GOLM2: variants seen among roughly 807,000 people sequenced by gnomAD.
GOLM2 encodes golgi membrane protein 2.
A neutral mutation model predicts 55.9 loss-of-function variants in GOLM2; 26 were observed. The observed-to-expected ratio is 0.47, with a 90% CI of 0.34 to 0.65. The LOEUF is 0.65. Among genes scored for constraint, GOLM2 ranks in the 30% least tolerant of loss-of-function variants. The pLI, the probability that GOLM2 is intolerant of heterozygous loss-of-function variation, is 0.01. For missense variants in GOLM2, 486 were observed against 531.8 expected, an observed-to-expected ratio of 0.91 and a Z score of 0.85; for synonymous variants, 165 against 194.6, an observed-to-expected ratio of 0.85 and a Z score of 1.27.
intron 8 of GOLM2, among the ~76,000 whole-genome samples, chr15:44,386,902 C>T (rs922594044): frequency 4.6e-5 from 7 of 151,760 alleles, no homozygotes; most frequent in African/African-American, 9.7e-5. Context: ...TGGCCGAGTG[C>T]GGTGGCTCAT....
intron 1 of GOLM2, among the ~76,000 whole-genome samples, chr15:44,306,037 G>A (rs560497039): frequency 6.5e-4 from 99 of 152,286 alleles, no homozygotes; most frequent in Middle Eastern, 3.4e-3. Context: ...GTAAGTGAGC[G>A]TTGGCTTCCA....
At chr15:44,319,614 TCTCGCTC>T (rs2078935586) in intron 1 of GOLM2, among the ~76,000 whole-genome samples, 1 of 152,072 alleles carries the variant, frequency 6.6e-6, no homozygotes, top group East Asian at 1.9e-4. Flanking sequence ...TGAGACAGGG[TCTCGCTC>T]TGCCACCTAG....
chr15:44,309,176 G>A (rs1362995344), intron 1 of GOLM2, among the ~76,000 whole-genome samples: 3 of 152,182 alleles, frequency 2.0e-5, no homozygotes, highest in African/African-American at 7.2e-5. Flanking sequence ...GGGAACCCTT[G>A]AACATTGTTG....
intron 1 of GOLM2, among the ~76,000 whole-genome samples, chr15:44,299,398 T>G (rs1482095104): frequency 1.3e-5 from 2 of 151,848 alleles, no homozygotes; most frequent in Non-Finnish European, 2.9e-5. Flanking sequence ...GTTCAAGTGG[T>G]TCTCCTGCTT....
At chr15:44,410,419 A>G (rs2079630471) in intron 9 of GOLM2, among the ~76,000 whole-genome samples, 1 of 152,250 alleles carries the variant, frequency 6.6e-6, no homozygotes, top group African/African-American at 2.4e-5. Context: ...CGACCCAGTG[A>G]GACTCCGTCT....
At chr15:44,388,241 T>C (rs2079461653) in intron 8 of GOLM2, among the ~76,000 whole-genome samples, 1 of 128,440 alleles carries the variant, frequency 7.8e-6, no homozygotes, top group Non-Finnish European at 1.6e-5. Context: ...GCCACTGTAC[T>C]CCAGCCTGGG....
chr15:44,378,775 A>G (rs1305675723), intron 6 of GOLM2, among the ~76,000 whole-genome samples: 1 of 151,524 alleles, frequency 6.6e-6, no homozygotes, highest in Non-Finnish European at 1.5e-5. Context: ...TTTGAGATGA[A>G]GTCTCTGTCA....
At chr15:44,378,487 A>G (rs2079379927) in intron 6 of GOLM2, among the ~76,000 whole-genome samples, 1 of 150,942 alleles carries the variant, frequency 6.6e-6, no homozygotes, top group Non-Finnish European at 1.5e-5. Context: ...CCTCCTAAGT[A>G]GCTGGGATTA....
At chr15:44,342,462 T>C (rs892830504) in intron 6 of GOLM2, among the ~76,000 whole-genome samples, 1 of 152,022 alleles carries the variant, frequency 6.6e-6, no homozygotes, top group Admixed American at 6.6e-5. Context: ...AGACAGGGTG[T>C]CGTTATGTTA....
intron 1 of GOLM2, among the ~76,000 whole-genome samples, chr15:44,317,466 A>G (rs1035449080): frequency 6.6e-6 from 1 of 152,254 alleles, no homozygotes; most frequent in Admixed American, 6.5e-5. Context: ...AAGTACAAAA[A>G]GAGATTAGGT....
At chr15:44,344,439 C>T (rs2079110135) in intron 6 of GOLM2, among the ~76,000 whole-genome samples, 1 of 151,966 alleles carries the variant, frequency 6.6e-6, no homozygotes, top group African/African-American at 2.4e-5. Flanking sequence ...TGATTTGGAA[C>T]TAATCGCCAA....
At chr15:44,322,165 C>T (rs897256770) in intron 1 of GOLM2, among the ~76,000 whole-genome samples, 1 of 152,178 alleles carries the variant, frequency 6.6e-6, no homozygotes, top group Non-Finnish European at 1.5e-5. Flanking sequence ...GTCAGGAGTT[C>T]GAGACCAGCC....
chr15:44,379,637 T>TTTTA, intron 6 of GOLM2, 53 bp from the exon 7 acceptor site: 1 of 736,324 alleles, frequency 1.4e-6, no homozygotes, highest in Non-Finnish European at 2.2e-6. Flanking sequence ...TTTTTTTTTT[T>TTTTA]TAGAAATCAT....
chr15:44,305,377 A>G (rs544526984), intron 1 of GOLM2, among the ~76,000 whole-genome samples: 1 of 151,686 alleles, frequency 6.6e-6, no homozygotes, highest in African/African-American at 2.4e-5. Flanking sequence ...TCGGCTCACT[A>G]CAACCTCTAC....
intron 9 of GOLM2, among the ~76,000 whole-genome samples, chr15:44,410,241 A>T (rs981613102): frequency 1.3e-5 from 2 of 152,114 alleles, no homozygotes; most frequent in Admixed American, 1.3e-4. Flanking sequence ...GTTCGAGACC[A>T]TCCTGGCTAA....
At chr15:44,319,225 T>C (rs1295186104) in intron 1 of GOLM2, among the ~76,000 whole-genome samples, 1 of 152,174 alleles carries the variant, frequency 6.6e-6, no homozygotes, top group East Asian at 1.9e-4. Context: ...TCCATTTTTC[T>C]TTTTTTGAGA....
At chr15:44,391,377 C>T (rs943274709) in intron 8 of GOLM2, among the ~76,000 whole-genome samples, 1 of 151,622 alleles carries the variant, frequency 6.6e-6, no homozygotes. Context: ...ATTAGCCGGT[C>T]GTGGTGGCGG....
intron 6 of GOLM2, among the ~76,000 whole-genome samples, chr15:44,368,560 G>T (rs1200657956): frequency 6.6e-6 from 1 of 151,564 alleles, no homozygotes; most frequent in Non-Finnish European, 1.5e-5. Flanking sequence ...TGTTTAGTCT[G>T]CTGTTAAGCC....
intron 6 of GOLM2, among the ~76,000 whole-genome samples, chr15:44,357,280 G>A (rs79380230): frequency 0.049 from 7,480 of 151,998 alleles, 298 homozygotes; most frequent in East Asian, 0.19. Flanking sequence ...ATAATTCATC[G>A]TATTAGCAGG....
Sources: gnomAD v4.1 joint callset for allele counts (sites outside exome capture counted in the v4.1 genomes callset) on GRCh38, gnomAD v4.1.1 for gene constraint, MANE v1.5 for transcripts, NCBI Gene and HGNC (gene_info 2026-07-23, HGNC 2026-07-21) for gene names.